TFAP2D: variants seen among roughly 807,000 people sequenced by gnomAD.
The protein encoded by TFAP2D is transcription factor AP-2-delta.
A neutral mutation model predicts 43.6 loss-of-function variants in TFAP2D; 9 were observed. That is an observed-to-expected ratio of 0.21 (90% CI 0.12 to 0.36). The LOEUF (loss-of-function observed/expected upper bound fraction) is 0.36. Ranked by LOEUF, TFAP2D falls within the 10% of genes least tolerant of loss-of-function variation. The probability of loss-of-function intolerance (pLI) is 1.00; values close to 1 mark genes in which losing one functional copy is unlikely to be tolerated. For synonymous variants in TFAP2D, 256 were observed against 224.9 expected, an observed-to-expected ratio of 1.14 and a Z score of -1.24; for missense variants, 513 against 561.4, an observed-to-expected ratio of 0.91 and a Z score of 0.87.
intron 1 of TFAP2D, among the ~76,000 whole-genome samples, chr6:50,714,752 G>A (rs939682555): frequency 6.6e-6 from 1 of 152,268 alleles, no homozygotes; most frequent in South Asian, 2.1e-4. Context: ...CCCGGAGTCA[G>A]TTGCAAACCT....
At chr6:50,749,576 T>A in intron 6 of TFAP2D, among the ~76,000 whole-genome samples, 1 of 151,810 alleles carries the variant, frequency 6.6e-6, no homozygotes, top group East Asian at 1.9e-4. Flanking sequence ...AGTTAGAAAT[T>A]TCCATAAACA....
At chr6:50,753,718 A>G (rs1769228333) in intron 7 of TFAP2D, among the ~76,000 whole-genome samples, 1 of 151,904 alleles carries the variant, frequency 6.6e-6, no homozygotes, top group South Asian at 2.1e-4. Flanking sequence ...CTAACACTAT[A>G]TATTTACTTA....
Position 50,745,026 on chromosome 6 carries a change from G to A in TFAP2D, c.884-81G>A, listed in dbSNP as rs1769105653. The A allele has an allele frequency of 5.9e-6, 9 of 1,534,874 alleles. No individual in the cohort carries two copies. In the South Asian group the frequency reaches 1.1e-4, roughly 19 times the overall value. ...GATTTGTCTGACCACAGCCAGGAGT[G>A]AGGCTTGAGCAAAATGCAAGACACT... On this transcript the variant is annotated intron_variant, in intron 5 of 7. Transcript: ENST00000008391.
chr6:50,716,717 G>A (rs946486595), intron 2 of TFAP2D, among the ~76,000 whole-genome samples: 4 of 152,188 alleles, frequency 2.6e-5, no homozygotes, highest in African/African-American at 9.7e-5. Context: ...TAAAAGTGCA[G>A]TTCTACCTGT....
chr6:50,757,626 T>G (rs1003712084), intron 7 of TFAP2D, among the ~76,000 whole-genome samples: 1 of 70,586 alleles, frequency 1.4e-5, no homozygotes, highest in African/African-American at 5.6e-5. Context: ...TCTATATATA[T>G]AGAATATATA....
In TFAP2D at chr6:50,713,947, A is replaced by G; in HGVS notation, c.-109A>G. ...CAATTTAGATATCTACCTATAGAAC[A>G]TTTTTTTTTTCCTTTAAAAATTGGA... On this transcript the variant is annotated 5_prime_UTR_variant, in exon 1 of 8. Coordinates refer to ENST00000008391, the MANE Select transcript of TFAP2D (RefSeq NM_172238.4). The G allele has an allele frequency of 6.9e-7, 1 of 1,441,068 alleles. No homozygotes were observed. The highest frequency in any genetic ancestry group is 1.2e-5 in the South Asian group (1 of 83,724). The allele number at this position is 1,441,068 out of a possible 1,614,324, so 89.3% of individuals were successfully genotyped here.
At chr6:50,741,756 A>G (rs1769049448) in intron 5 of TFAP2D, among the ~76,000 whole-genome samples, 1 of 151,876 alleles carries the variant, frequency 6.6e-6, no homozygotes, top group Non-Finnish European at 1.5e-5. Context: ...GGGATAGCTT[A>G]AAGTAGCTCT....
chr6:50,745,252 A>G lies in TFAP2D; in HGVS notation c.1025+4A>G, dbSNP rs1338859569. 6.2e-7 allele frequency: 1 copy of G among 1,613,322 alleles called. No homozygotes were observed. The highest frequency in any genetic ancestry group is 8.5e-7 in the Non-Finnish European group (1 of 1,179,634). The stretch of plus-strand genomic sequence containing the variant: ...AAAAGATGATCCTGGCGACCAAGTA[A>G]GCAGAATGGGGAAACCTCTGTGTGC... On this transcript the variant is annotated splice_donor_region_variant and intron_variant, in intron 6 of 7. Coordinates refer to ENST00000008391, the MANE Select transcript of TFAP2D (RefSeq NM_172238.4).
intron 7 of TFAP2D, among the ~76,000 whole-genome samples, chr6:50,761,229 A>AG (rs1769359434): frequency 2.8e-5 from 2 of 72,404 alleles, no homozygotes; most frequent in Non-Finnish European, 6.8e-5. Flanking sequence ...CACACACACC[A>AG]AAAAAAAAAA....
At chr6:50,725,707 A>T (rs1276339597) in intron 3 of TFAP2D, among the ~76,000 whole-genome samples, 1 of 152,192 alleles carries the variant, frequency 6.6e-6, no homozygotes, top group Non-Finnish European at 1.5e-5. Context: ...AGTCTGGATT[A>T]TCTTAAAGAA....
intron 7 of TFAP2D, among the ~76,000 whole-genome samples, chr6:50,766,888 T>A (rs2113895101): frequency 6.6e-6 from 1 of 152,030 alleles, no homozygotes; most frequent in Admixed American, 6.6e-5. Context: ...CAGGATGGTC[T>A]CGATCTCCTG....
In TFAP2D at chr6:50,715,283, C is replaced by G; in HGVS notation, c.207C>G (p.Leu69=). 2 of 1,614,084 alleles carry G rather than the reference C, an allele frequency of 1.2e-6. No individual in the cohort carries two copies. Among genetic ancestry groups the G allele is most frequent in the Non-Finnish European group, 8.5e-7 (1 of 1,179,980 alleles). The part of the protein sequence containing the change: ...YFSTNHQYTP[L]HHQSFHYEFQ... ...CCACTAACCACCAGTACACCCCGCT[C>G]CACCACCAGTCCTTCCATTACGAGT... Residue 69 remains leucine (L), a synonymous_variant, in exon 2 of 8, where the codon CTC becomes CTG. Transcript: ENST00000008391.
At chr6:50,731,497 A>G (rs1219859423) in intron 5 of TFAP2D, among the ~76,000 whole-genome samples, 1 of 151,960 alleles carries the variant, frequency 6.6e-6, no homozygotes, top group Non-Finnish European at 1.5e-5. Flanking sequence ...TACTATGTAC[A>G]ATATTCTCTG....
chr6:50,742,926 G>T (rs1028502639), intron 5 of TFAP2D, among the ~76,000 whole-genome samples: 15 of 145,986 alleles, frequency 1.0e-4, no homozygotes, highest in African/African-American at 3.7e-4. Flanking sequence ...AATAGTGAGT[G>T]TCCTGTATGG....
At chr6:50,739,903 C>T (rs1375664976) in intron 5 of TFAP2D, among the ~76,000 whole-genome samples, 2 of 152,150 alleles carry the variant, frequency 1.3e-5, no homozygotes, top group African/African-American at 4.8e-5. Flanking sequence ...AAAGCAACAT[C>T]AAACTAGTAA....
At chr6:50,744,558 C>A (rs551290467) in intron 5 of TFAP2D, among the ~76,000 whole-genome samples, 5 of 152,274 alleles carry the variant, frequency 3.3e-5, no homozygotes, top group Admixed American at 3.3e-4. Flanking sequence ...ATTCGTACCC[C>A]ATTTCTTAAA....
chr6:50,726,866 G>T (rs1044077143), intron 3 of TFAP2D, among the ~76,000 whole-genome samples: 1 of 152,096 alleles, frequency 6.6e-6, no homozygotes, highest in African/African-American at 2.4e-5. Flanking sequence ...CTTAAAACTC[G>T]GTGAGAATAT....
intron 7 of TFAP2D, among the ~76,000 whole-genome samples, chr6:50,760,445 G>T (rs1324922428): frequency 6.6e-6 from 1 of 151,946 alleles, no homozygotes; most frequent in East Asian, 1.9e-4. Context: ...AATAAGCTTT[G>T]TGAGTGATTT....
intron 7 of TFAP2D, among the ~76,000 whole-genome samples, chr6:50,754,776 T>C (rs545802894): frequency 1.3e-5 from 2 of 152,086 alleles, no homozygotes; most frequent in South Asian, 2.1e-4. Context: ...TACATCATCT[T>C]TGAAAAAATG....
Sources: gnomAD v4.1 joint callset for allele counts (sites outside exome capture counted in the v4.1 genomes callset) on GRCh38, gnomAD v4.1.1 for gene constraint, MANE v1.5 for transcripts, NCBI Gene and HGNC (gene_info 2026-07-23, HGNC 2026-07-21) for gene names.